PEBP4: variants seen among roughly 807,000 people sequenced by gnomAD.
PEBP4 encodes the protein phosphatidylethanolamine binding protein 4, also known as phosphatidylethanolamine-binding protein 4.
In PEBP4, 22 loss-of-function variants were observed where a neutral mutation model predicts 23.9. That is an observed-to-expected ratio of 0.92 (90% CI 0.66 to 1.31). The LOEUF is 1.31. PEBP4 is among the 40% of genes most tolerant of loss of function. PEBP4 has a pLI of 0.00. For synonymous variants in PEBP4, 112 were observed against 99.3 expected (o/e 1.13, Z -0.76); for missense variants, 324 against 281.7 (o/e 1.15, Z -1.07).
At chr8:22,815,234 G>C (rs984560612) in intron 4 of PEBP4, 2 of 152,192 alleles carry the variant, frequency 1.3e-5, no homozygotes, top group African/African-American at 2.4e-5. Context: ...AACGACCGAG[G>C]CATCCCAGCT....
chr8:22,742,126 C>A (rs981781842), intron 4 of PEBP4, among the ~76,000 whole-genome samples: 2 of 152,206 alleles, frequency 1.3e-5, no homozygotes, highest in Admixed American at 1.3e-4. Flanking sequence ...GGACACCAGG[C>A]CCACCCCTAG....
rs182653329 is a variant in PEBP4 at position 22,788,518 on chromosome 8, A to C, written c.357+29119T>G. ...GGGTCCTGGCGGTGTTCAGAGTCTC[A>C]CCCATACTGCGAGGAGTACCCAGGA... On this transcript the variant is annotated intron_variant, in intron 4 of 6. Coordinates refer to ENST00000256404, the MANE Select transcript of PEBP4 (RefSeq NM_144962.3). Among the ~76,000 whole-genome samples, 13 of 152,166 alleles carry C rather than the reference A, an allele frequency of 8.5e-5. No homozygotes were observed. In the East Asian group the frequency reaches 2.5e-3, roughly 29 times the overall value.
At chr8:22,852,827 G>A (rs535640686) in intron 3 of PEBP4, among the ~76,000 whole-genome samples, 2 of 152,076 alleles carry the variant, frequency 1.3e-5, no homozygotes, top group Admixed American at 6.5e-5. Flanking sequence ...TGATGGCAAC[G>A]TTTGAAAAAA....
chr8:22,794,948 T>C (rs960449972), intron 4 of PEBP4, among the ~76,000 whole-genome samples: 3 of 151,826 alleles, frequency 2.0e-5, no homozygotes, highest in African/African-American at 7.3e-5. Context: ...CCCAAATGGA[T>C]AGTCAATCAT....
intron 3 of PEBP4, among the ~76,000 whole-genome samples, chr8:22,910,126 C>T (rs1343361626): frequency 6.6e-6 from 1 of 152,200 alleles, no homozygotes; most frequent in Non-Finnish European, 1.5e-5. Flanking sequence ...TTGAGAGAGT[C>T]GTTTTATCTC....
intron 4 of PEBP4, among the ~76,000 whole-genome samples, chr8:22,740,877 T>C (rs1426157644): frequency 6.6e-6 from 1 of 152,162 alleles, no homozygotes; most frequent in Non-Finnish European, 1.5e-5. Flanking sequence ...GGTGTGCTAT[T>C]CTGAGCCTTG....
At chr8:22,819,763 C>G (rs1245793140) in intron 3 of PEBP4, among the ~76,000 whole-genome samples, 3 of 152,212 alleles carry the variant, frequency 2.0e-5, no homozygotes, top group East Asian at 3.9e-4. Flanking sequence ...CCCGCCACCA[C>G]GCCCAGCTAA....
At position 22,722,070 on chromosome 8, in the gene PEBP4, T is replaced by G. The variant is rs185700891; in HGVS notation, c.517+2773A>C. 7.9e-4 allele frequency among the ~76,000 whole-genome samples: 120 copies of G among 152,260 alleles called. 1 individual carries two copies. Among genetic ancestry groups the G allele is most frequent in the African/African-American group, 2.1e-3 (88 of 41,544 alleles). Reference sequence around the variant, plus strand: ...TCTCCAAAGAGTGACTTTTGAGTGTTGCTTCTCTGGTAAATAATTTCTAAC... The same window carrying G: ...TCTCCAAAGAGTGACTTTTGAGTGTGGCTTCTCTGGTAAATAATTTCTAAC... On this transcript the variant is annotated intron_variant, in intron 6 of 6. Transcript: ENST00000256404.
At chr8:22,928,628 G>T (rs1563265377), upstream of PEBP4, among the ~76,000 whole-genome samples, 1 of 152,046 alleles carries the variant, frequency 6.6e-6, no homozygotes, top group Non-Finnish European at 1.5e-5. Context: ...AAGAATAAAG[G>T]CGGCTTGCAA....
intron 3 of PEBP4, among the ~76,000 whole-genome samples, chr8:22,827,748 C>G (rs1807002997): frequency 6.6e-6 from 1 of 152,196 alleles, no homozygotes; most frequent in South Asian, 2.1e-4. Context: ...GCTTAGACGT[C>G]TAGAGTGGAA....
Position 22,723,354 on chromosome 8 carries a change from G to A in PEBP4, c.517+1489C>T, listed in dbSNP as rs1164018512. Among the ~76,000 whole-genome samples, 3 of 152,148 alleles carry A rather than the reference G, an allele frequency of 2.0e-5. No homozygotes were observed. In the East Asian group the frequency reaches 5.8e-4, roughly 29 times the overall value. ...CGCAGAGTAGGGAAGCGTCTTTGGT[G>A]TATGCAGCTCCCTTCCTCTCCCTTG... On this transcript the variant is annotated intron_variant, in intron 6 of 6. Coordinates refer to ENST00000256404, the MANE Select transcript of PEBP4 (RefSeq NM_144962.3).
At chr8:22,847,822 A>G (rs1036796828) in intron 3 of PEBP4, among the ~76,000 whole-genome samples, 4 of 152,024 alleles carry the variant, frequency 2.6e-5, no homozygotes, top group Non-Finnish European at 1.5e-5. Context: ...CCAGCCCCCA[A>G]AATGCTCCAG....
At chr8:22,870,585 G>A (rs186284685) in intron 3 of PEBP4, among the ~76,000 whole-genome samples, 16 of 152,280 alleles carry the variant, frequency 1.1e-4, no homozygotes, top group East Asian at 1.9e-4. Flanking sequence ...AAGTATGGGC[G>A]TTGGGTGAGA....
chr8:22,794,626 G>A (rs781165759), intron 4 of PEBP4, among the ~76,000 whole-genome samples: 5 of 152,136 alleles, frequency 3.3e-5, no homozygotes, highest in African/African-American at 4.8e-5. Flanking sequence ...AGTGCGTTAC[G>A]TGTTAAAGAC....
intron 4 of PEBP4, among the ~76,000 whole-genome samples, chr8:22,753,062 T>C (rs548151272): frequency 1.3e-5 from 2 of 152,268 alleles, no homozygotes; most frequent in Admixed American, 1.3e-4. Context: ...TTGGCCCAGG[T>C]GTGTGGTCAG....
chr8:22,737,158 G>C (rs563255143), intron 4 of PEBP4, among the ~76,000 whole-genome samples: 2 of 152,072 alleles, frequency 1.3e-5, no homozygotes, highest in Non-Finnish European at 2.9e-5. Context: ...GCAAGGCGTG[G>C]TGGCAGGCGC....
chr8:22,924,846 G>A (rs1051531352), intron 2 of PEBP4: 16 of 985,390 alleles, frequency 1.6e-5, no homozygotes, highest in African/African-American at 1.6e-4. Context: ...CTCAGAAGCA[G>A]GGAAGGTCTG....
intron 3 of PEBP4, among the ~76,000 whole-genome samples, chr8:22,841,141 G>A (rs1450028132): frequency 6.6e-6 from 1 of 152,232 alleles, no homozygotes; most frequent in Non-Finnish European, 1.5e-5. Flanking sequence ...GAAAACTGAG[G>A]CTTAGGGAGA....
intron 4 of PEBP4, among the ~76,000 whole-genome samples, chr8:22,773,048 C>G (rs1406177369): frequency 6.6e-6 from 1 of 151,872 alleles, no homozygotes; most frequent in Non-Finnish European, 1.5e-5. Flanking sequence ...TCCCCACCCC[C>G]AAAGAAAAAT....
Sources: gnomAD v4.1 joint callset for allele counts (sites outside exome capture counted in the v4.1 genomes callset) on GRCh38, gnomAD v4.1.1 for gene constraint, MANE v1.5 for transcripts, NCBI Gene and HGNC (gene_info 2026-07-23, HGNC 2026-07-21) for gene names.